The following PARD3B variants were observed in gnomAD, a reference collection of about 807,000 sequenced individuals.
PARD3B encodes the protein par-3 family cell polarity regulator beta.
Under a neutral mutation model 130.2 loss-of-function variants are expected in PARD3B, and 103 were observed. That is an observed-to-expected ratio of 0.79 (90% CI 0.67 to 0.93). The LOEUF (loss-of-function observed/expected upper bound fraction) is 0.93. PARD3B is among the 40% of genes least tolerant of loss of function. The pLI is 0.00. For synonymous variants in PARD3B, 583 were observed against 553.2 expected, an observed-to-expected ratio of 1.05 and a Z score of -0.76; for missense variants, 1,609 against 1,499.2, an observed-to-expected ratio of 1.07 and a Z score of -1.21.
intron 4 of PARD3B, among the ~76,000 whole-genome samples, chr2:205,057,543 A>C (rs1244465697): frequency 6.8e-6 from 1 of 146,506 alleles, no homozygotes. Context: ...ATATATGTAT[A>C]TGTGTATATG....
At chr2:205,170,723 T>A (rs2035118759) in intron 11 of PARD3B, among the ~76,000 whole-genome samples, 1 of 151,850 alleles carries the variant, frequency 6.6e-6, no homozygotes, top group Admixed American at 6.6e-5. Context: ...ACAGTTTCCC[T>A]CCCAAAGCTG....
intron 1 of PARD3B, among the ~76,000 whole-genome samples, chr2:204,628,069 T>G (rs2034549506): frequency 1.3e-5 from 2 of 151,784 alleles, no homozygotes; most frequent in African/African-American, 4.8e-5. Context: ...CTGCTTCCAG[T>G]GTTTTCCAGG....
chr2:204,836,232 A>G (rs992750776), intron 2 of PARD3B, among the ~76,000 whole-genome samples: 2 of 152,236 alleles, frequency 1.3e-5, no homozygotes, highest in African/African-American at 4.8e-5. Context: ...GATTCATTCT[A>G]TAATGTTTTA....
intron 2 of PARD3B, among the ~76,000 whole-genome samples, chr2:204,930,271 G>A (rs951498844): frequency 1.3e-5 from 2 of 151,470 alleles, no homozygotes; most frequent in African/African-American, 4.8e-5. Flanking sequence ...ATTCCCAGGG[G>A]ACTGATTCCA....
intron 2 of PARD3B, among the ~76,000 whole-genome samples, chr2:204,814,286 A>AT (rs2043065571): frequency 6.6e-6 from 1 of 151,618 alleles, no homozygotes; most frequent in Non-Finnish European, 1.5e-5. Flanking sequence ...GATACAATTG[A>AT]TTTTTTTCGT....
chr2:204,546,065 C>G lies in PARD3B; in HGVS notation c.66C>G (p.Arg22=). Residue 22 remains arginine, a synonymous_variant, in exon 1 of 23, where the codon CGC becomes CGG. Transcript: ENST00000406610. ...IVVPCKEGQL[R]VGELTQQALQ... is the part of the protein sequence containing the mutation. Reference sequence around the variant, plus strand: ...TGCCCTGCAAGGAGGGCCAGCTGCGCGTCGGCGAGCTCACCCAGCAGGCGC... The same window carrying G: ...TGCCCTGCAAGGAGGGCCAGCTGCGGGTCGGCGAGCTCACCCAGCAGGCGC... The G allele has an allele frequency of 6.4e-7, 1 of 1,561,112 alleles. No individual in the cohort carries two copies. The highest frequency in any genetic ancestry group is 8.7e-7 in the Non-Finnish European group (1 of 1,152,164).
intron 4 of PARD3B, among the ~76,000 whole-genome samples, chr2:205,065,525 C>T (rs564060226): frequency 1.1e-4 from 16 of 152,112 alleles, no homozygotes; most frequent in African/African-American, 3.6e-4. Context: ...CATCAAAAGT[C>T]ATGTTGAAAT....
chr2:204,792,233 G>C (rs1466718816), intron 2 of PARD3B, among the ~76,000 whole-genome samples: 2 of 152,110 alleles, frequency 1.3e-5, no homozygotes, highest in African/African-American at 4.8e-5. Context: ...GATTGGTTAT[G>C]GATATGTGCT....
intron 3 of PARD3B, among the ~76,000 whole-genome samples, chr2:204,968,375 C>A (rs923059899): frequency 1.3e-5 from 2 of 152,222 alleles, no homozygotes; most frequent in African/African-American, 4.8e-5. Context: ...AAACCAACAA[C>A]CACCTTCTCC....
chr2:204,603,913 T>C (rs574806573), intron 1 of PARD3B, among the ~76,000 whole-genome samples: 3 of 152,214 alleles, frequency 2.0e-5, no homozygotes, highest in Non-Finnish European at 4.4e-5. Context: ...GAAGTGATAT[T>C]ATCTGGTTCA....
intron 2 of PARD3B, among the ~76,000 whole-genome samples, chr2:204,838,848 A>G (rs956158828): frequency 6.6e-6 from 1 of 152,196 alleles, no homozygotes; most frequent in African/African-American, 2.4e-5. Context: ...TTGTGTATCA[A>G]TACACAATGA....
chr2:205,501,837 T>C (rs567106615), intron 21 of PARD3B, among the ~76,000 whole-genome samples: 55 of 152,306 alleles, frequency 3.6e-4, no homozygotes, highest in African/African-American at 1.3e-3. Context: ...GGGTGCTCCC[T>C]TTTTTAATGA....
At chr2:204,996,499 C>A (rs1188971893) in intron 3 of PARD3B, among the ~76,000 whole-genome samples, 17 of 152,094 alleles carry the variant, frequency 1.1e-4, no homozygotes, top group Non-Finnish European at 1.2e-4. Context: ...TCAGACAGGG[C>A]CATTTAAGTC....
intron 2 of PARD3B, among the ~76,000 whole-genome samples, chr2:204,836,191 A>G (rs1436764419): frequency 2.0e-5 from 3 of 152,194 alleles, no homozygotes; most frequent in African/African-American, 7.2e-5. Context: ...TATAGATACT[A>G]TTGCATTTAT....
chr2:205,258,052 T>C lies in PARD3B; in HGVS notation c.2185+12230T>C, dbSNP rs2040162670. Among the ~76,000 whole-genome samples, 1 of 152,138 alleles carries C rather than the reference T, an allele frequency of 6.6e-6. No individual in the cohort carries two copies. Among genetic ancestry groups the C allele is most frequent in the Admixed American group, 6.5e-5 (1 of 15,270 alleles). On this transcript the variant is annotated intron_variant, in intron 16 of 22. Transcript: ENST00000406610. The surrounding 1 kb of genome is among the most constrained non-coding windows in gnomAD (Gnocchi z 4.9). ...TTCTCTCAATAAACTCTAACTTGAGTTATATTTTCAAATATAGTCCCCCAG... is the reference window on the plus strand; with the variant it reads ...TTCTCTCAATAAACTCTAACTTGAGCTATATTTTCAAATATAGTCCCCCAG...
intron 2 of PARD3B, among the ~76,000 whole-genome samples, chr2:204,961,956 C>G (rs1042223735): frequency 6.6e-6 from 1 of 152,004 alleles, no homozygotes; most frequent in Non-Finnish European, 1.5e-5. Flanking sequence ...GTAGACAGCA[C>G]TTTCAAATTT....
In PARD3B at chr2:205,004,539, C is replaced by G. The variant is rs995186256; in HGVS notation, c.394+39216C>G. Among the ~76,000 whole-genome samples the G allele has an allele frequency of 5.3e-5, 8 of 152,188 alleles. 1 individual carries two copies. Among genetic ancestry groups the G allele is most frequent in the African/African-American group, 1.9e-4 (8 of 41,534 alleles). The stretch of plus-strand genomic sequence containing the variant: ...TGTAATGAAGCTTTGATTTGCATCG[C>G]TATTCTGAGAACTTTCTGACAATGG... On this transcript the variant is annotated intron_variant, in intron 3 of 22. Transcript: ENST00000406610.
chr2:204,898,746 G>A (rs1361450156), intron 2 of PARD3B, among the ~76,000 whole-genome samples: 3 of 152,098 alleles, frequency 2.0e-5, no homozygotes, highest in East Asian at 1.9e-4. Flanking sequence ...TTATTGTAAT[G>A]GGGGCTCTCT....
intron 19 of PARD3B, among the ~76,000 whole-genome samples, chr2:205,416,774 G>T (rs2046790734): frequency 6.6e-6 from 1 of 151,758 alleles, no homozygotes; most frequent in Admixed American, 6.6e-5. Context: ...AAGGACTCAA[G>T]GATTAATTTT....
Sources: allele counts gnomAD v4.1 joint callset (sites outside exome capture counted in the v4.1 genomes callset), GRCh38; gene constraint gnomAD v4.1.1; non-coding constraint Gnocchi (gnomAD v3.1); transcripts MANE v1.5; gene names NCBI Gene and HGNC (gene_info 2026-07-23, HGNC 2026-07-21).